EXOC4: variants seen among roughly 807,000 people sequenced by gnomAD.
EXOC4 encodes SEC8-like 1.
A neutral mutation model predicts 107.2 loss-of-function variants in EXOC4; 71 were observed. The ratio of observed to expected loss-of-function variants is 0.66; its 90% CI spans 0.55 to 0.81. The LOEUF (loss-of-function observed/expected upper bound fraction) is 0.81, where lower values mean the gene tolerates loss of function less well. EXOC4 is among the 30% of genes least tolerant of loss of function. EXOC4 has a pLI of 0.00. For missense variants in EXOC4, 1,108 were observed against 1,189.6 expected (o/e 0.93, Z 1.01); for synonymous variants, 456 against 441.2 (o/e 1.03, Z -0.42).
chr7:133,695,155 T>C (rs1201664922), intron 10 of EXOC4, among the ~76,000 whole-genome samples: 1 of 145,770 alleles, frequency 6.9e-6, no homozygotes, highest in African/African-American at 2.6e-5. Context: ...TAATCAACAA[T>C]CTACTCCCTA....
intron 17 of EXOC4, among the ~76,000 whole-genome samples, chr7:134,032,550 C>G (rs1296615019): frequency 1.3e-5 from 2 of 152,216 alleles, no homozygotes; most frequent in Non-Finnish European, 2.9e-5. Context: ...AGCAGTGAAG[C>G]CAACAGGAAC....
intron 2 of EXOC4, among the ~76,000 whole-genome samples, chr7:133,275,622 G>C (rs1793971512): frequency 6.6e-6 from 1 of 152,142 alleles, no homozygotes; most frequent in African/African-American, 2.4e-5. Flanking sequence ...ACACTCACAT[G>C]AATTGGAGGG....
At chr7:133,301,899 A>G (rs1038684318) in intron 3 of EXOC4, among the ~76,000 whole-genome samples, 1 of 152,218 alleles carries the variant, frequency 6.6e-6, no homozygotes, top group Admixed American at 6.5e-5. Context: ...ACAAAACTAG[A>G]TCTTTTTACA....
chr7:133,563,663 C>A (rs749980511), intron 9 of EXOC4, among the ~76,000 whole-genome samples: 6 of 152,132 alleles, frequency 3.9e-5, no homozygotes, highest in Non-Finnish European at 8.8e-5. Context: ...CTTCTCTTTT[C>A]ATTGAAATGG....
At chr7:133,380,727 T>C (rs1219008083) in intron 7 of EXOC4, among the ~76,000 whole-genome samples, 1 of 152,228 alleles carries the variant, frequency 6.6e-6, no homozygotes, top group African/African-American at 2.4e-5. Context: ...CAGAAACTTG[T>C]AGTCTCCACA....
At chr7:133,286,103 C>T (rs1794271395) in intron 2 of EXOC4, among the ~76,000 whole-genome samples, 1 of 152,094 alleles carries the variant, frequency 6.6e-6, no homozygotes, top group Non-Finnish European at 1.5e-5. Context: ...CTATTTTTCT[C>T]TACTCCATTT....
At chr7:133,431,039 C>T (rs1032807928) in intron 7 of EXOC4, among the ~76,000 whole-genome samples, 4 of 152,172 alleles carry the variant, frequency 2.6e-5, no homozygotes, top group South Asian at 4.1e-4. Flanking sequence ...CCGTTTGTTT[C>T]GTAATGAGAA....
At chr7:133,757,923 A>G (rs6467503) in intron 10 of EXOC4, among the ~76,000 whole-genome samples, 150,219 of 152,308 alleles carry the variant, frequency 0.99, 74,128 homozygotes, top group Middle Eastern at 1. Flanking sequence ...ATGGGAAAAC[A>G]GAGCTTTGAA....
intron 7 of EXOC4, among the ~76,000 whole-genome samples, chr7:133,435,395 G>C (rs1236119633): frequency 1.3e-5 from 2 of 151,994 alleles, no homozygotes; most frequent in Non-Finnish European, 2.9e-5. Flanking sequence ...GTCTGTTTCA[G>C]ACAAGCTCCT....
At chr7:133,381,249 G>A (rs1452071894) in intron 7 of EXOC4, among the ~76,000 whole-genome samples, 1 of 64,570 alleles carries the variant, frequency 1.5e-5, no homozygotes, top group East Asian at 6.7e-4. Flanking sequence ...ATTCTTTCAG[G>A]TTATACAGTA....
At chr7:133,886,335 T>C (rs1799086141) in intron 11 of EXOC4, among the ~76,000 whole-genome samples, 2 of 152,220 alleles carry the variant, frequency 1.3e-5, no homozygotes, top group Admixed American at 1.3e-4. Context: ...ATTAGTATCA[T>C]GAGGCAGAGC....
At chr7:133,855,753 C>T (rs971595170) in intron 11 of EXOC4, among the ~76,000 whole-genome samples, 10 of 152,176 alleles carry the variant, frequency 6.6e-5, no homozygotes, top group South Asian at 2.1e-4. Flanking sequence ...TTATATACCC[C>T]TTCCCACTCA....
intron 17 of EXOC4, among the ~76,000 whole-genome samples, chr7:134,012,411 A>G (rs955010539): frequency 2.0e-5 from 3 of 152,194 alleles, no homozygotes; most frequent in Non-Finnish European, 4.4e-5. Context: ...AGCTAACAGG[A>G]TTTGCTGAGG....
chr7:133,873,026 T>G (rs1585213677), intron 11 of EXOC4, among the ~76,000 whole-genome samples: 1 of 152,198 alleles, frequency 6.6e-6, no homozygotes, highest in African/African-American at 2.4e-5. Context: ...AAGCAAAAGC[T>G]CAGTTGGGCA....
intron 16 of EXOC4, 148 bp from the exon 17 acceptor site, chr7:134,007,528 C>A: frequency 1.6e-6 from 1 of 627,946 alleles, no homozygotes; most frequent in Non-Finnish European, 2.5e-6. Flanking sequence ...ATTGTCAGAT[C>A]AGCAGATGCA....
At chr7:133,772,148 G>A (rs1218766931) in intron 10 of EXOC4, among the ~76,000 whole-genome samples, 2 of 151,786 alleles carry the variant, frequency 1.3e-5, no homozygotes, top group Non-Finnish European at 2.9e-5. Flanking sequence ...TATGAGGCAC[G>A]AGTTCAACAA....
At position 133,475,469 on chromosome 7, in the gene EXOC4, T is replaced by C. The variant is rs373714478; in HGVS notation, c.1324T>C (p.Phe442Leu). Residue 442 changes from phenylalanine (F) to leucine (L), a missense_variant, in exon 8 of 18, where the codon TTC (phenylalanine) becomes CTC (leucine). Transcript: ENST00000253861. ...ACCTCAAAGGCCAAAAAATTCTCTT[T>C]TCAAGTAAGTATTATTCTGCTGTTA... ...KKPQRPKNSL[F>L]KFESSSHAIS... The C allele has an allele frequency of 4.3e-6, 7 of 1,613,934 alleles. No homozygotes were observed. The highest frequency in any genetic ancestry group is 5.9e-6 in the Non-Finnish European group (7 of 1,179,882).
At chr7:133,933,508 G>A (rs1024406322) in intron 13 of EXOC4, among the ~76,000 whole-genome samples, 4 of 152,102 alleles carry the variant, frequency 2.6e-5, no homozygotes, top group Non-Finnish European at 5.9e-5. Context: ...TTCACCTTCT[G>A]AAGACAATGT....
chr7:133,710,783 G>A (rs960471471), intron 10 of EXOC4, among the ~76,000 whole-genome samples: 19 of 151,826 alleles, frequency 1.3e-4, no homozygotes, highest in African/African-American at 4.1e-4. Context: ...CAGGGCAGCT[G>A]CTACCAATTT....
Sources: allele counts gnomAD v4.1 joint callset (sites outside exome capture counted in the v4.1 genomes callset), GRCh38; gene constraint gnomAD v4.1.1; transcripts MANE v1.5; gene names NCBI Gene and HGNC (gene_info 2026-07-23, HGNC 2026-07-21).